The following TTC39C variants were observed in gnomAD, a reference collection of about 807,000 sequenced individuals.
TTC39C encodes tetratricopeptide repeat protein 39C.
In TTC39C, 33 loss-of-function variants were observed where a neutral mutation model predicts 76.3. That is an observed-to-expected ratio of 0.43 (90% CI 0.33 to 0.58). The LOEUF (loss-of-function observed/expected upper bound fraction) is 0.58, where lower values mean the gene tolerates loss of function less well. TTC39C is among the 20% of genes least tolerant of loss of function. The probability of loss-of-function intolerance (pLI) is 0.04; values close to 1 mark genes in which losing one functional copy is unlikely to be tolerated. For missense variants in TTC39C, 595 were observed against 701.4 expected (o/e 0.85, Z 1.71); for synonymous variants, 254 against 260.6 (o/e 0.97, Z 0.24).
chr18:24,017,251 A>G (rs1213718270), intron 1 of TTC39C, among the ~76,000 whole-genome samples: 1 of 152,140 alleles, frequency 6.6e-6, no homozygotes, highest in Non-Finnish European at 1.5e-5. Context: ...CTTCTGATGT[A>G]TGTTTTGGAA....
chr18:24,019,909 C>CA, intron 1 of TTC39C: 1 of 1,524,454 alleles, frequency 6.6e-7, no homozygotes, highest in Non-Finnish European at 8.7e-7. Context: ...TGGAGAAACT[C>CA]AAAGGCGCTT....
intron 9 of TTC39C, chr18:24,124,306 T>C (rs562282302): frequency 6.2e-6 from 1 of 160,112 alleles, no homozygotes; most frequent in African/African-American, 2.4e-5. Context: ...TAAATTTTAA[T>C]GAATGGAGAC....
intron 4 of TTC39C, among the ~76,000 whole-genome samples, chr18:24,070,602 T>C (rs2084225885): frequency 6.6e-6 from 1 of 152,116 alleles, no homozygotes; most frequent in Non-Finnish European, 1.5e-5. Context: ...CCCAGCACAT[T>C]AGGAGGCTTA....
chr18:24,011,437 C>G (rs2083392651), upstream of TTC39C, among the ~76,000 whole-genome samples: 1 of 152,136 alleles, frequency 6.6e-6, no homozygotes, highest in Non-Finnish European at 1.5e-5. Context: ...CCTTTTGGGA[C>G]CAGGAGAGGC....
chr18:24,095,468 G>A (rs2084577069), intron 6 of TTC39C, among the ~76,000 whole-genome samples: 1 of 152,194 alleles, frequency 6.6e-6, no homozygotes, highest in Admixed American at 6.5e-5. Flanking sequence ...GGAGGCTGAG[G>A]CCAGCAGATC....
intron 1 of TTC39C, among the ~76,000 whole-genome samples, chr18:24,045,892 AATATATATATATATATATATAT>A (rs1212560698): frequency 3.6e-4 from 22 of 61,220 alleles, no homozygotes; most frequent in African/African-American, 1.3e-3. Flanking sequence ...CTTCTGTGAA[AATATATATATATATATATATAT>A]ATATATATAT....
intron 6 of TTC39C, among the ~76,000 whole-genome samples, chr18:24,094,163 C>G (rs2084561104): frequency 6.6e-6 from 1 of 152,170 alleles, no homozygotes; most frequent in Non-Finnish European, 1.5e-5. Flanking sequence ...CAGGAGATGC[C>G]ATCTCAAGAA....
At chr18:24,061,477 T>G (rs2084099601) in intron 1 of TTC39C, among the ~76,000 whole-genome samples, 1 of 151,906 alleles carries the variant, frequency 6.6e-6, no homozygotes, top group African/African-American at 2.4e-5. Context: ...CTTCGTACTC[T>G]TTGGGAACAT....
intron 1 of TTC39C, among the ~76,000 whole-genome samples, chr18:24,005,321 C>T (rs558283896): frequency 1.5e-4 from 23 of 152,128 alleles, no homozygotes; most frequent in African/African-American, 4.8e-4. Context: ...GCACCCAGCA[C>T]GTAGTGATGC....
At position 24,050,800 on chromosome 18, in the gene TTC39C, A is replaced by G. The variant is rs57058604; in HGVS notation, c.168-13340A>G. Among the ~76,000 whole-genome samples, 1,251 of 150,940 alleles carry G rather than the reference A, an allele frequency of 8.3e-3. 26 individuals carry two copies. Among genetic ancestry groups the G allele is most frequent in the African/African-American group, 0.029 (1,191 of 41,014 alleles). On this transcript the variant is annotated intron_variant, in intron 1 of 13. Transcript: ENST00000317571. The stretch of plus-strand genomic sequence containing the variant: ...GGCAGGAGAATTGCTTGAACCCGGG[A>G]TGCGAAAGTTGCAGTGAGCTGAGAT...
intron 1 of TTC39C, among the ~76,000 whole-genome samples, chr18:24,059,782 A>G (rs1419885572): frequency 1.3e-5 from 2 of 152,180 alleles, no homozygotes; most frequent in Non-Finnish European, 2.9e-5. Flanking sequence ...CTGCTGATAA[A>G]GATATACCTG....
chr18:24,073,864 A>T (rs1162592397), intron 4 of TTC39C, among the ~76,000 whole-genome samples: 1 of 152,178 alleles, frequency 6.6e-6, no homozygotes, highest in Non-Finnish European at 1.5e-5. Flanking sequence ...GTACATCACC[A>T]TTTACTGCAG....
intron 6 of TTC39C, chr18:24,114,302 A>C (rs2084861839): frequency 6.6e-6 from 2 of 301,852 alleles, no homozygotes; most frequent in Admixed American, 6.7e-5. Flanking sequence ...AAAGGAGAGA[A>C]CGCTGGAGGA....
chr18:24,085,173 G>A (rs2084424718), intron 6 of TTC39C, among the ~76,000 whole-genome samples: 1 of 152,206 alleles, frequency 6.6e-6, no homozygotes, highest in African/African-American at 2.4e-5. Context: ...CGAATAAAGT[G>A]TAGAATTGAG....
At chr18:24,058,928 G>A (rs1470238021) in intron 1 of TTC39C, among the ~76,000 whole-genome samples, 1 of 152,092 alleles carries the variant, frequency 6.6e-6, no homozygotes, top group East Asian at 1.9e-4. Context: ...CATTTGTGAA[G>A]TGCCTATTTA....
chr18:24,086,091 A>C (rs1212754230), intron 6 of TTC39C, among the ~76,000 whole-genome samples: 1 of 151,892 alleles, frequency 6.6e-6, no homozygotes, highest in Non-Finnish European at 1.5e-5. Flanking sequence ...AACTTACATG[A>C]CTCCTTCCAA....
At chr18:24,074,341 A>G (rs1316138842) in intron 4 of TTC39C, among the ~76,000 whole-genome samples, 1 of 152,196 alleles carries the variant, frequency 6.6e-6, no homozygotes, top group South Asian at 2.1e-4. Context: ...ATTCATGCCT[A>G]GTGTTCCATT....
At chr18:24,113,554 A>C in intron 6 of TTC39C, 1 of 702,094 alleles carries the variant, frequency 1.4e-6, no homozygotes, top group South Asian at 1.5e-5. Context: ...ACCTCCCTGC[A>C]AGTGTAGGGC....
At chr18:24,023,671 G>T (rs897241291) in intron 1 of TTC39C, among the ~76,000 whole-genome samples, 1 of 151,990 alleles carries the variant, frequency 6.6e-6, no homozygotes, top group Admixed American at 6.6e-5. Context: ...GCATGAGAAA[G>T]TAGAAATGTA....
Sources: allele counts gnomAD v4.1 joint callset (sites outside exome capture counted in the v4.1 genomes callset), GRCh38; gene constraint gnomAD v4.1.1; transcripts MANE v1.5; gene names NCBI Gene and HGNC (gene_info 2026-07-23, HGNC 2026-07-21).